The following FOXP1 variants were observed in gnomAD, a reference collection of about 807,000 sequenced individuals.
The protein encoded by FOXP1 is forkhead box protein P1.
In FOXP1, 15 loss-of-function variants were observed where a neutral mutation model predicts 98.2. The ratio of observed to expected loss-of-function variants is 0.15; its 90% CI spans 0.10 to 0.24. The LOEUF (loss-of-function observed/expected upper bound fraction) is 0.24, where lower values mean the gene tolerates loss of function less well. Ranked by LOEUF, FOXP1 falls within the 10% of genes least tolerant of loss-of-function variation. The pLI, the probability that FOXP1 is intolerant of heterozygous loss-of-function variation, is 1.00. For synonymous variants in FOXP1, 371 were observed against 314.5 expected (o/e 1.18, Z -1.90); for missense variants, 633 against 848.5 (o/e 0.75, Z 3.15).
chr3:71,176,982 G>A (rs1367053808), intron 6 of FOXP1, among the ~76,000 whole-genome samples: 1 of 151,800 alleles, frequency 6.6e-6, no homozygotes, highest in Non-Finnish European at 1.5e-5. Flanking sequence ...AGGATCAATG[G>A]AACCTGGGAG....
At chr3:71,151,237 C>T (rs1436016128) in intron 6 of FOXP1, among the ~76,000 whole-genome samples, 4 of 152,302 alleles carry the variant, frequency 2.6e-5, no homozygotes, top group East Asian at 3.9e-4. Flanking sequence ...GCAAGGTACA[C>T]GTCATGAGTG....
chr3:71,028,502 TG>T (rs2107868002), intron 11 of FOXP1, among the ~76,000 whole-genome samples: 1 of 152,304 alleles, frequency 6.6e-6, no homozygotes, highest in South Asian at 2.1e-4. Flanking sequence ...GAGATGTACT[TG>T]TAGCAGAAAC....
intron 3 of FOXP1, among the ~76,000 whole-genome samples, chr3:71,365,472 G>A (rs1406370200): frequency 6.7e-6 from 1 of 149,372 alleles, no homozygotes; most frequent in African/African-American, 2.5e-5. Context: ...AAAAAAAGCT[G>A]AAGCTTTTTC....
At chr3:71,329,014 C>T (rs2076118792) in intron 4 of FOXP1, among the ~76,000 whole-genome samples, 1 of 134,168 alleles carries the variant, frequency 7.5e-6, no homozygotes, top group Non-Finnish European at 1.6e-5. Context: ...CTGACAGTTT[C>T]AGAATGGCCA....
intron 2 of FOXP1, among the ~76,000 whole-genome samples, chr3:71,504,519 C>T (rs564661346): frequency 6.6e-6 from 1 of 152,266 alleles, no homozygotes; most frequent in South Asian, 2.1e-4. Flanking sequence ...CCAGACAATT[C>T]TTACATTAAA....
chr3:71,119,825 A>G (rs901998271), intron 6 of FOXP1, among the ~76,000 whole-genome samples: 1 of 152,242 alleles, frequency 6.6e-6, no homozygotes, highest in Non-Finnish European at 1.5e-5. Context: ...AAGAAATGAC[A>G]GTCACTTGTA....
intron 6 of FOXP1, among the ~76,000 whole-genome samples, chr3:71,148,667 T>C (rs1217651429): frequency 6.6e-6 from 1 of 152,218 alleles, no homozygotes; most frequent in African/African-American, 2.4e-5. Flanking sequence ...CCTCAGTTTA[T>C]TTATCTGTTA....
chr3:71,345,750 T>C (rs1206973487), intron 4 of FOXP1, among the ~76,000 whole-genome samples: 5 of 151,670 alleles, frequency 3.3e-5, no homozygotes, highest in Non-Finnish European at 7.4e-5. Flanking sequence ...GCGGCATTCT[T>C]CAGTGCAGAA....
intron 6 of FOXP1, among the ~76,000 whole-genome samples, chr3:71,129,350 A>AC (rs2059424031): frequency 6.6e-6 from 1 of 152,122 alleles, no homozygotes; most frequent in African/African-American, 2.4e-5. Context: ...CAATACACAC[A>AC]CATGCACACA....
At chr3:71,376,648 C>T (rs147013510) in intron 3 of FOXP1, among the ~76,000 whole-genome samples, 6 of 152,306 alleles carry the variant, frequency 3.9e-5, no homozygotes, top group East Asian at 1.9e-4. Flanking sequence ...AGGGGGCTCA[C>T]GGGAAACAAC....
intron 12 of FOXP1, among the ~76,000 whole-genome samples, chr3:71,008,540 C>G (rs1392623420): frequency 6.6e-6 from 1 of 151,834 alleles, no homozygotes; most frequent in South Asian, 2.1e-4. Flanking sequence ...TCAGTTAGCA[C>G]TAACAAATGC....
intron 2 of FOXP1, among the ~76,000 whole-genome samples, chr3:71,558,802 CTTTTT>C (rs35405702): frequency 8.5e-6 from 1 of 117,550 alleles, no homozygotes; most frequent in Admixed American, 9.2e-5. Context: ...CCGATTCTCA[CTTTTT>C]TTTTTTTTTT....
At chr3:70,969,117 T>A (rs2035616784) in intron 19 of FOXP1, 2 of 130,944 alleles carry the variant, frequency 1.5e-5, no homozygotes, top group Non-Finnish European at 1.6e-5. Context: ...GGATGGAGGA[T>A]CACTTTTTTT....
At chr3:71,385,420 C>A (rs538720611) in intron 3 of FOXP1, among the ~76,000 whole-genome samples, 1 of 152,254 alleles carries the variant, frequency 6.6e-6, no homozygotes, top group Admixed American at 6.5e-5. Context: ...ACAAAGTAAA[C>A]CCCATTTTCC....
intron 7 of FOXP1, among the ~76,000 whole-genome samples, chr3:71,062,221 C>G (rs929803979): frequency 6.6e-6 from 1 of 152,158 alleles, no homozygotes; most frequent in South Asian, 2.1e-4. Context: ...AGCAGGGTTA[C>G]GCAACACTGC....
chr3:71,237,651 T>G (rs1200164588), intron 5 of FOXP1, among the ~76,000 whole-genome samples: 19 of 152,246 alleles, frequency 1.2e-4, no homozygotes, highest in Admixed American at 1.2e-3. Flanking sequence ...CAGAGTTTCC[T>G]TGAAATGTTC....
rs140540072 is a variant in FOXP1, at chr3:70,959,951, T to A, written c.1890-560A>T. Among the ~76,000 whole-genome samples the A allele has an allele frequency of 5.1e-3, 782 of 152,268 alleles. 10 individuals carry two copies. The highest frequency in any genetic ancestry group is 0.017 in the African/African-American group (721 of 41,552). On this transcript the variant is annotated intron_variant, in intron 20 of 20. Transcript: ENST00000649528. ...GGGTGGATGAATACCCATCTTCAAA[T>A]AATTACACGAAATAAGAATCTGTAA...
At chr3:71,528,489 TGAC>T (rs2043574508) in intron 2 of FOXP1, among the ~76,000 whole-genome samples, 2 of 152,238 alleles carry the variant, frequency 1.3e-5, no homozygotes, top group Non-Finnish European at 2.9e-5. Flanking sequence ...AAATAATGTT[TGAC>T]CTTCTAATGT....
chr3:71,576,554 A>G (rs183656095), intron 2 of FOXP1, among the ~76,000 whole-genome samples: 23 of 152,268 alleles, frequency 1.5e-4, no homozygotes, highest in Non-Finnish European at 2.6e-4. Flanking sequence ...TAAATAGATT[A>G]TTAGTTGTCA....
Sources: gnomAD v4.1 joint callset for allele counts (sites outside exome capture counted in the v4.1 genomes callset) on GRCh38, gnomAD v4.1.1 for gene constraint, MANE v1.5 for transcripts, NCBI Gene and HGNC (gene_info 2026-07-23, HGNC 2026-07-21) for gene names.